Variants in CALN1 observed in about 807,000 individuals in gnomAD.
CALN1 encodes calneuron 1.
In CALN1, 17 loss-of-function variants were observed where a neutral mutation model predicts 30.6. The observed-to-expected ratio is 0.56, with a 90% CI of 0.38 to 0.83. CALN1 has a LOEUF of 0.83. Ranked by LOEUF, CALN1 falls within the 40% of genes least tolerant of loss-of-function variation. The pLI, the probability that CALN1 is intolerant of heterozygous loss-of-function variation, is 0.00. For synonymous variants in CALN1, 156 were observed against 131.4 expected (o/e 1.19, Z -1.28); for missense variants, 291 against 354.9 (o/e 0.82, Z 1.45).
chr7:72,122,346 G>T (rs952812130), intron 3 of CALN1, among the ~76,000 whole-genome samples: 2 of 152,092 alleles, frequency 1.3e-5, no homozygotes, highest in East Asian at 3.9e-4. Flanking sequence ...CCAAGTTCCA[G>T]AAAGAAACTA....
intron 6 of CALN1, among the ~76,000 whole-genome samples, chr7:71,794,667 C>T (rs1256599387): frequency 6.6e-6 from 1 of 152,208 alleles, no homozygotes; most frequent in Non-Finnish European, 1.5e-5. Context: ...TACAAAATTT[C>T]ATTCTTGCAT....
chr7:72,205,575 T>TATATACATATATATATAC (rs1562733884), intron 3 of CALN1, among the ~76,000 whole-genome samples: 1 of 119,618 alleles, frequency 8.4e-6, no homozygotes, highest in Admixed American at 8.3e-5. Flanking sequence ...TATGTATATA[T>TATATACATATATATATAC]ATATATATAT....
At chr7:72,016,692 T>C (rs1301030373) in intron 5 of CALN1, among the ~76,000 whole-genome samples, 1 of 151,890 alleles carries the variant, frequency 6.6e-6, no homozygotes, top group Non-Finnish European at 1.5e-5. Context: ...GCTGGGATTA[T>C]AGGTATGAGC....
chr7:72,027,178 C>T (rs1431891995), intron 4 of CALN1, among the ~76,000 whole-genome samples: 1 of 152,016 alleles, frequency 6.6e-6, no homozygotes, highest in Non-Finnish European at 1.5e-5. Context: ...GAGGGTGGGA[C>T]AACTAGAAAA....
At chr7:71,863,712 T>C (rs1453453681) in intron 5 of CALN1, among the ~76,000 whole-genome samples, 2 of 152,046 alleles carry the variant, frequency 1.3e-5, no homozygotes, top group Non-Finnish European at 2.9e-5. Flanking sequence ...CACAACTGAC[T>C]GTAAGATTAA....
intron 2 of CALN1, among the ~76,000 whole-genome samples, chr7:72,310,080 G>A (rs945399037): frequency 2.9e-4 from 44 of 152,080 alleles, no homozygotes; most frequent in African/African-American, 9.4e-4. Context: ...CTGTTATAAC[G>A]TCCTGATCAA....
intron 5 of CALN1, among the ~76,000 whole-genome samples, chr7:72,001,571 C>T (rs1421994062): frequency 1.3e-5 from 2 of 152,138 alleles, no homozygotes; most frequent in Non-Finnish European, 2.9e-5. Context: ...ACATATAAAA[C>T]CCTAAGTCAA....
chr7:72,355,301 G>A (rs1371651821), intron 2 of CALN1, among the ~76,000 whole-genome samples: 3 of 152,162 alleles, frequency 2.0e-5, no homozygotes, highest in South Asian at 2.1e-4. Flanking sequence ...CAAAGCGGGC[G>A]GACCACTTGA....
At chr7:71,828,968 C>G (rs1365113137) in intron 5 of CALN1, among the ~76,000 whole-genome samples, 1 of 151,874 alleles carries the variant, frequency 6.6e-6, no homozygotes, top group African/African-American at 2.4e-5. Flanking sequence ...AGGCTGGTCT[C>G]GAACCCCTGA....
intron 5 of CALN1, among the ~76,000 whole-genome samples, chr7:72,018,113 T>C (rs1800502146): frequency 6.6e-6 from 1 of 152,098 alleles, no homozygotes; most frequent in Non-Finnish European, 1.5e-5. Flanking sequence ...AAAAGGCTGC[T>C]GGGGTAAATT....
intron 5 of CALN1, among the ~76,000 whole-genome samples, chr7:71,890,700 TATGTTTTAAC>T (rs1793188182): frequency 6.6e-6 from 1 of 151,928 alleles, no homozygotes; most frequent in South Asian, 2.1e-4. Context: ...TACATGCACC[TATGTTTTAAC>T]ATTGTTAAGG....
intron 1 of CALN1, among the ~76,000 whole-genome samples, chr7:72,430,230 A>G (rs550323584): frequency 5.6e-4 from 83 of 148,230 alleles, no homozygotes; most frequent in Non-Finnish European, 1.1e-3. Flanking sequence ...TATAGATTAT[A>G]TATTTACACA....
At chr7:72,085,935 C>T (rs1238784341) in intron 4 of CALN1, among the ~76,000 whole-genome samples, 2 of 152,034 alleles carry the variant, frequency 1.3e-5, no homozygotes, top group East Asian at 3.9e-4. Context: ...CACTATTAAT[C>T]AAGACAGTGA....
In CALN1 at chr7:71,982,900, T is replaced by C. The variant is rs1045963910; in HGVS notation, c.501+40757A>G. ...GAAAGGGGCTACCTGGGACTAGGCA[T>C]GTCCAACATGGCGGCTCCATCTTCC... is the stretch of plus-strand genomic sequence containing the variant. On this transcript the variant is annotated intron_variant, in intron 5 of 6. Transcript: ENST00000395275. Among the ~76,000 whole-genome samples, 8 of 152,304 alleles carry C rather than the reference T, an allele frequency of 5.3e-5. No individual in the cohort carries two copies. The South Asian group carries it at 1.7e-3, about 32-fold the overall frequency.
At chr7:72,411,807 T>C (rs1807175253) in intron 1 of CALN1, among the ~76,000 whole-genome samples, 2 of 151,720 alleles carry the variant, frequency 1.3e-5, no homozygotes, top group African/African-American at 4.9e-5. Flanking sequence ...TTTAAAGTAA[T>C]AAGAAAAGAA....
chr7:71,882,459 T>C (rs1278062871), intron 5 of CALN1, among the ~76,000 whole-genome samples: 2 of 152,172 alleles, frequency 1.3e-5, no homozygotes, highest in Non-Finnish European at 2.9e-5. Flanking sequence ...ATGGACATCT[T>C]GGAAGGGCCA....
intron 3 of CALN1, among the ~76,000 whole-genome samples, chr7:72,238,833 C>A (rs1794649482): frequency 6.6e-6 from 1 of 152,136 alleles, no homozygotes; most frequent in African/African-American, 2.4e-5. Flanking sequence ...TGTAAATTAC[C>A]CAGTCTCAGG....
At chr7:72,246,215 C>T (rs1432228608) in intron 3 of CALN1, among the ~76,000 whole-genome samples, 1 of 152,198 alleles carries the variant, frequency 6.6e-6, no homozygotes, top group Non-Finnish European at 1.5e-5. Context: ...ACCTCAGAAA[C>T]ACCCCCTTTT....
chr7:71,993,599 G>C (rs1333748488), intron 5 of CALN1, among the ~76,000 whole-genome samples: 1 of 151,974 alleles, frequency 6.6e-6, no homozygotes, highest in East Asian at 1.9e-4. Flanking sequence ...TGGGATTACA[G>C]GTGTGTGTCA....
Sources: allele counts gnomAD v4.1 joint callset (sites outside exome capture counted in the v4.1 genomes callset), GRCh38; gene constraint gnomAD v4.1.1; transcripts MANE v1.5; gene names NCBI Gene and HGNC (gene_info 2026-07-23, HGNC 2026-07-21).